PPP3CC: variants seen among roughly 807,000 people sequenced by gnomAD.
PPP3CC encodes the protein protein phosphatase 3 catalytic subunit gamma.
A neutral mutation model predicts 60.3 loss-of-function variants in PPP3CC; 35 were observed. That is an observed-to-expected ratio of 0.58 (90% CI 0.44 to 0.77). PPP3CC has a LOEUF of 0.77. Ranked by LOEUF, PPP3CC falls within the 30% of genes least tolerant of loss-of-function variation. PPP3CC has a pLI of 0.00. For missense variants in PPP3CC, 570 were observed against 628.9 expected, an observed-to-expected ratio of 0.91 and a Z score of 1.00; for synonymous variants, 206 against 224.3, an observed-to-expected ratio of 0.92 and a Z score of 0.73.
chr8:22,466,668 G>C (rs1294312334), intron 1 of PPP3CC, among the ~76,000 whole-genome samples: 2 of 152,190 alleles, frequency 1.3e-5, no homozygotes, highest in South Asian at 2.1e-4. Context: ...TTTCTGATGG[G>C]GTTGTTTTTT....
intron 4 of PPP3CC, among the ~76,000 whole-genome samples, chr8:22,500,102 G>A (rs567021205): frequency 6.6e-6 from 1 of 152,316 alleles, no homozygotes; most frequent in African/African-American, 2.4e-5. Context: ...GAATTTCTGG[G>A]TTAGGGGGCA....
chr8:22,522,621 T>C (rs747306715), intron 7 of PPP3CC, 34 bp from the exon 8 acceptor site: 1 of 1,585,306 alleles, frequency 6.3e-7, no homozygotes, highest in East Asian at 2.2e-5. Context: ...TTGCATTTAA[T>C]ATGCAGACAG....
chr8:22,517,437 T>A (rs1839278849), intron 6 of PPP3CC, among the ~76,000 whole-genome samples: 1 of 119,586 alleles, frequency 8.4e-6, no homozygotes, highest in South Asian at 2.8e-4. Flanking sequence ...AAGATTGGTA[T>A]TAATTCTTTT....
At chr8:22,525,335 C>T (rs1419634040) in intron 8 of PPP3CC, among the ~76,000 whole-genome samples, 6 of 152,088 alleles carry the variant, frequency 3.9e-5, no homozygotes. Flanking sequence ...TCAGTTACTC[C>T]CCATACAAGT....
chr8:22,489,964 G>A (rs551629778), intron 3 of PPP3CC, among the ~76,000 whole-genome samples: 108 of 151,176 alleles, frequency 7.1e-4, no homozygotes, highest in African/African-American at 1.2e-3. Context: ...TGGGATTAGA[G>A]GCGCATGCTA....
chr8:22,468,602 A>G (rs1431140774), intron 1 of PPP3CC, among the ~76,000 whole-genome samples: 1 of 150,260 alleles, frequency 6.7e-6, no homozygotes, highest in Non-Finnish European at 1.5e-5. Context: ...GGCATCTCAA[A>G]TTATTTTGAA....
At chr8:22,532,359 A>C in intron 11 of PPP3CC, 53 bp downstream of exon 11, 1 of 1,445,452 alleles carries the variant, frequency 6.9e-7, no homozygotes, top group Non-Finnish European at 9.7e-7. Flanking sequence ...AGAGTAAATT[A>C]GACGTCGAAT....
rs539559076 is a variant in PPP3CC, at chr8:22,457,909, C to T, written c.49+16451C>T. Among the ~76,000 whole-genome samples the T allele has an allele frequency of 7.3e-3, 1,104 of 151,442 alleles. 13 individuals carry two copies. Among genetic ancestry groups the T allele is most frequent in the African/African-American group, 0.025 (1,043 of 41,280 alleles). On this transcript the variant is annotated intron_variant, in intron 1 of 13. Transcript: ENST00000240139. ...GAGTTCGAGATCAGCCTGGGCAACA[C>T]GGTGAAACCCCGTCTCTACTAAAAA...
intron 1 of PPP3CC, among the ~76,000 whole-genome samples, chr8:22,467,621 G>C (rs893970772): frequency 1.3e-5 from 2 of 152,046 alleles, no homozygotes; most frequent in African/African-American, 4.8e-5. Context: ...AGTAGAGATA[G>C]GGTTTCACCA....
intron 1 of PPP3CC, among the ~76,000 whole-genome samples, chr8:22,472,473 C>T (rs1038738881): frequency 1.7e-4 from 26 of 151,154 alleles, no homozygotes; most frequent in African/African-American, 5.9e-4. Context: ...CATCTTTATC[C>T]ACTGGCACAC....
At chr8:22,501,338 A>T (rs992416610) in intron 4 of PPP3CC, among the ~76,000 whole-genome samples, 1 of 152,244 alleles carries the variant, frequency 6.6e-6, no homozygotes, top group Non-Finnish European at 1.5e-5. Flanking sequence ...TAGTGGCTAA[A>T]AAGAACACAT....
At chr8:22,531,940 C>T (rs1301337718) in intron 10 of PPP3CC, among the ~76,000 whole-genome samples, 1 of 152,216 alleles carries the variant, frequency 6.6e-6, no homozygotes, top group African/African-American at 2.4e-5. Context: ...CTTTGCTGTG[C>T]TCTACGTTTC....
intron 3 of PPP3CC, among the ~76,000 whole-genome samples, chr8:22,488,008 A>G (rs917888470): frequency 6.6e-6 from 1 of 152,202 alleles, no homozygotes; most frequent in Admixed American, 6.5e-5. Context: ...ATAAGGAAAT[A>G]AAACTTGAAA....
intron 6 of PPP3CC, among the ~76,000 whole-genome samples, chr8:22,520,286 T>TTA (rs1839370500): frequency 6.6e-6 from 1 of 152,308 alleles, no homozygotes; most frequent in African/African-American, 2.4e-5. Flanking sequence ...AACAACTTAA[T>TTA]TATAATGAGT....
At position 22,527,506 on chromosome 8, in the gene PPP3CC, T is replaced by C. The variant is rs1455330060; in HGVS notation, c.1058T>C (p.Val353Ala). The part of the protein sequence containing the change: ...MDVFTWSLPF[V>A]GEKVTEMLVN... ...GTTTTCACATGGTCTTTGCCTTTTG[T>C]TGGGGAAAAAGGTAAGAGAACTAAA... The change falls in exon 9 of 14, where the codon GTT becomes GCT. Residue 353 changes from valine (V) to alanine (A), a missense_variant. Coordinates refer to ENST00000240139, the MANE Select transcript of PPP3CC (RefSeq NM_005605.5). 1 of 1,614,018 alleles carries C rather than the reference T, an allele frequency of 6.2e-7. No homozygotes were observed. The highest frequency in any genetic ancestry group is 8.5e-7 in the Non-Finnish European group (1 of 1,179,976).
At chr8:22,509,895 C>T (rs946834986) in intron 4 of PPP3CC, among the ~76,000 whole-genome samples, 5 of 151,934 alleles carry the variant, frequency 3.3e-5, no homozygotes, top group Admixed American at 6.6e-5. Flanking sequence ...TCTGTAAAAA[C>T]GAGGCCTTGG....
chr8:22,528,668 T>C (rs1839626007), intron 10 of PPP3CC, 91 bp downstream of exon 10: 7 of 981,460 alleles, frequency 7.1e-6, no homozygotes, highest in Non-Finnish European at 8.7e-6. Context: ...TTCTTTGTCT[T>C]ATTAAAAATA....
intron 1 of PPP3CC, among the ~76,000 whole-genome samples, chr8:22,468,557 G>A (rs1425828679): frequency 6.6e-6 from 1 of 151,748 alleles, no homozygotes; most frequent in Non-Finnish European, 1.5e-5. Flanking sequence ...TAATCAGCTG[G>A]CAAATTAGAG....
intron 1 of PPP3CC, among the ~76,000 whole-genome samples, chr8:22,454,204 T>A (rs1837121812): frequency 1.3e-5 from 2 of 152,208 alleles, no homozygotes; most frequent in African/African-American, 4.8e-5. Flanking sequence ...TTTTACGATT[T>A]CAAACATTTC....
Sources: gnomAD v4.1 joint callset for allele counts (sites outside exome capture counted in the v4.1 genomes callset) on GRCh38, gnomAD v4.1.1 for gene constraint, MANE v1.5 for transcripts, NCBI Gene and HGNC (gene_info 2026-07-23, HGNC 2026-07-21) for gene names.